FAT3: variants seen among roughly 807,000 people sequenced by gnomAD.
The protein encoded by FAT3 is protocadherin Fat 3.
FAT3 carries 95 observed loss-of-function variants against 310.2 expected under a neutral mutation model. That is an observed-to-expected ratio of 0.31 (90% confidence interval 0.26 to 0.36). FAT3 has a LOEUF of 0.36. FAT3 is among the 10% of genes least tolerant of loss of function. FAT3 has a pLI of 1.00. For synonymous variants in FAT3, 2,314 were observed against 2,192.9 expected, an observed-to-expected ratio of 1.06 and a Z score of -1.54; for missense variants, 5,408 against 5,715.6, an observed-to-expected ratio of 0.95 and a Z score of 1.74.
At chr11:92,567,897 T>TGGGGGG (rs1955523498) in intron 3 of FAT3, among the ~76,000 whole-genome samples, 1 of 21,662 alleles carries the variant, frequency 4.6e-5, no homozygotes, top group African/African-American at 1.9e-4. Flanking sequence ...GTTGTGGGGT[T>TGGGGGG]GGGGGAGGGG....
At chr11:92,466,121 G>A (rs1199867707) in intron 2 of FAT3, among the ~76,000 whole-genome samples, 2 of 152,166 alleles carry the variant, frequency 1.3e-5, no homozygotes, top group African/African-American at 2.4e-5. Flanking sequence ...TCCAAGGTAG[G>A]AATGATAGGA....
intron 3 of FAT3, among the ~76,000 whole-genome samples, chr11:92,572,221 T>TG (rs1454261712): frequency 6.6e-6 from 1 of 152,182 alleles, no homozygotes; most frequent in Non-Finnish European, 1.5e-5. Flanking sequence ...GTGATCTTAC[T>TG]GGGGGACCTA....
intron 2 of FAT3, among the ~76,000 whole-genome samples, chr11:92,365,945 A>G (rs1010090982): frequency 1.3e-5 from 2 of 152,262 alleles, no homozygotes; most frequent in African/African-American, 2.4e-5. Flanking sequence ...CTATAAAAGT[A>G]AATGTAACAC....
intron 3 of FAT3, among the ~76,000 whole-genome samples, chr11:92,616,185 G>A (rs1239127209): frequency 6.6e-6 from 1 of 152,122 alleles, no homozygotes; most frequent in Admixed American, 6.5e-5. Flanking sequence ...TATATATTTA[G>A]GATAGTTAGC....
At chr11:92,302,416 C>CT (rs1371083809) in intron 1 of FAT3, among the ~76,000 whole-genome samples, 1 of 151,764 alleles carries the variant, frequency 6.6e-6, no homozygotes, top group African/African-American at 2.4e-5. Context: ...TCTACCTTTC[C>CT]TTTTTTTCTC....
rs572321029 is a variant in FAT3, at chr11:92,334,385, G to A, written c.-17-17711G>A. On this transcript the variant is annotated intron_variant, in intron 1 of 27. Coordinates refer to ENST00000525166, the MANE Select transcript of FAT3 (RefSeq NM_001367949.2). ...CTGAGACCCTGTCTCAATAAAAAGG[G>A]AGAATAACATCATTCCATTTGGTAG... is the stretch of plus-strand genomic sequence containing the variant. Among the ~76,000 whole-genome samples the A allele has an allele frequency of 7.2e-5, 11 of 152,148 alleles. No individual in the cohort carries two copies. In the South Asian group the frequency reaches 2.3e-3, roughly 32 times the overall value.
At chr11:92,789,865 A>G in intron 7 of FAT3, 78 bp from the exon 8 acceptor site, 1 of 1,481,926 alleles carries the variant, frequency 6.7e-7, no homozygotes. Flanking sequence ...AAGCGGGGAG[A>G]AAAAGAGGGA....
intron 1 of FAT3, among the ~76,000 whole-genome samples, chr11:92,301,340 G>T (rs1230162188): frequency 6.6e-6 from 1 of 152,114 alleles, no homozygotes; most frequent in Non-Finnish European, 1.5e-5. Flanking sequence ...CTTGTGATTG[G>T]GAAGCCCTAG....
intron 1 of FAT3, among the ~76,000 whole-genome samples, chr11:92,313,651 C>T (rs570271262): frequency 6.6e-6 from 1 of 152,310 alleles, no homozygotes; most frequent in Admixed American, 6.5e-5. Flanking sequence ...CCTCCGCCTC[C>T]TGGGTTCAAG....
At chr11:92,301,555 G>T (rs1181935408) in intron 1 of FAT3, among the ~76,000 whole-genome samples, 1 of 152,102 alleles carries the variant, frequency 6.6e-6, no homozygotes, top group Non-Finnish European at 1.5e-5. Flanking sequence ...GTTGTCTGGG[G>T]AATGGCAAAT....
At chr11:92,767,551 T>C (rs1243196363) in intron 6 of FAT3, among the ~76,000 whole-genome samples, 1 of 152,160 alleles carries the variant, frequency 6.6e-6, no homozygotes, top group African/African-American at 2.4e-5. Flanking sequence ...CATGCCTTTC[T>C]GTAATGGTCA....
intron 3 of FAT3, among the ~76,000 whole-genome samples, chr11:92,545,753 T>G (rs928342085): frequency 3.3e-5 from 5 of 152,196 alleles, no homozygotes; most frequent in Non-Finnish European, 7.3e-5. Context: ...CTGTCCTGGT[T>G]TGCTTGGGAA....
chr11:92,800,405 G>T lies in FAT3; in HGVS notation c.7392G>T (p.Leu2464=). Residue 2464 remains leucine (L), a synonymous_variant, in exon 10 of 28, where the codon CTG becomes CTT. Transcript: ENST00000525166. ...ATCGGAAGCAGCGGATGGAGCCTCT[G>T]TACAGTCTCAATGTGTCTGTCTCTG... ...SNHRKQRMEP[L]YSLNVSVSDG... 6.2e-7 allele frequency: 1 copy of T among 1,614,012 alleles called. No individual in the cohort carries two copies. The highest frequency in any genetic ancestry group is 1.1e-5 in the South Asian group (1 of 91,088).
At chr11:92,808,123 C>A (rs1181621000) in intron 12 of FAT3, among the ~76,000 whole-genome samples, 1 of 152,080 alleles carries the variant, frequency 6.6e-6, no homozygotes, top group East Asian at 1.9e-4. Context: ...TATTGAGTAG[C>A]CAGTAGACAT....
intron 3 of FAT3, among the ~76,000 whole-genome samples, chr11:92,649,875 A>ATG (rs1491495458): frequency 0.021 from 73 of 3,560 alleles, 4 homozygotes; most frequent in African/African-American, 0.068. Context: ...TTGTATGTTC[A>ATG]TATATATATA....
intron 22 of FAT3, among the ~76,000 whole-genome samples, chr11:92,867,509 G>A (rs1949279785): frequency 6.6e-6 from 1 of 152,196 alleles, no homozygotes; most frequent in Non-Finnish European, 1.5e-5. Flanking sequence ...TCAAGCCAGA[G>A]GAGGTTGGGC....
intron 3 of FAT3, among the ~76,000 whole-genome samples, chr11:92,644,990 G>A (rs1275383951): frequency 1.3e-5 from 2 of 152,096 alleles, no homozygotes; most frequent in East Asian, 3.9e-4. Context: ...TTGCTTCCAT[G>A]GCTGTCAGCA....
intron 3 of FAT3, chr11:92,559,394 T>TTC: frequency 5.1e-6 from 1 of 196,468 alleles, no homozygotes; most frequent in South Asian, 6.9e-5. Context: ...TTTTTTTTTT[T>TTC]TTTTTTTTGA....
intron 1 of FAT3, among the ~76,000 whole-genome samples, chr11:92,261,488 A>G (rs949713746): frequency 6.6e-6 from 1 of 152,132 alleles, no homozygotes; most frequent in South Asian, 2.1e-4. Context: ...TTTAGGAACA[A>G]TGCTTTAGTT....
Sources: gnomAD v4.1 joint callset for allele counts (sites outside exome capture counted in the v4.1 genomes callset) on GRCh38, gnomAD v4.1.1 for gene constraint, MANE v1.5 for transcripts, NCBI Gene and HGNC (gene_info 2026-07-23, HGNC 2026-07-21) for gene names.